BICRA: variants seen among roughly 807,000 people sequenced by gnomAD.
The protein encoded by BICRA is BRD4-interacting chromatin-remodeling complex-associated protein.
BICRA carries 31 observed loss-of-function variants against 96.9 expected under a neutral mutation model. The observed-to-expected ratio is 0.32, with a 90% CI of 0.24 to 0.43. The LOEUF is 0.43. BICRA is among the 20% of genes least tolerant of loss of function. BICRA has a pLI of 1.00. For missense variants in BICRA, 2,283 were observed against 2,190.3 expected (o/e 1.04, Z -0.84); for synonymous variants, 1,350 against 1,071.8 (o/e 1.26, Z -5.07).
Position 47,702,513 on chromosome 19 carries a change from C to T in BICRA, c.*98C>T, listed in dbSNP as rs1309838807. The T allele has an allele frequency of 1.0e-5, 14 of 1,340,892 alleles. No homozygotes were observed. Among genetic ancestry groups the T allele is most frequent in the Non-Finnish European group, 1.9e-6 (2 of 1,042,184 alleles). The allele number at this position is 1,340,892 out of a possible 1,614,324, so 83.1% of individuals were successfully genotyped here. A position where few individuals can be genotyped will look rare whatever the true frequency, so the allele number is the denominator to read the frequency against. ...TCCTGGGGACTCGAGCCGGGGATCCCCTGACGGTTTTTCTTGCCTAAGTTA... is the reference window on the plus strand; with the variant it reads ...TCCTGGGGACTCGAGCCGGGGATCCTCTGACGGTTTTTCTTGCCTAAGTTA... On this transcript the variant is annotated 3_prime_UTR_variant, in exon 15 of 15. Coordinates refer to ENST00000594866, the MANE Select transcript of BICRA (RefSeq NM_001394372.1).
At chr19:47,670,028 A>G (rs896668519) in intron 1 of BICRA, among the ~76,000 whole-genome samples, 7 of 150,784 alleles carry the variant, frequency 4.6e-5, no homozygotes, top group African/African-American at 1.7e-4. Context: ...CCTAGCTCAC[A>G]GCATCCTTGA....
chr19:47,683,518 A>G (rs1279414944), intron 7 of BICRA, among the ~76,000 whole-genome samples: 1 of 151,998 alleles, frequency 6.6e-6, no homozygotes, highest in African/African-American at 2.4e-5. Flanking sequence ...TAGGAAAATT[A>G]GCCTTTTGTC....
chr19:47,615,845 GCCT>G (rs1399667349), intron 1 of BICRA: 2 of 152,228 alleles, frequency 1.3e-5, no homozygotes, highest in African/African-American at 4.8e-5. Context: ...GGCCCATGAT[GCCT>G]CCCTCGTAGG....
At chr19:47,697,239 C>T (rs1973360376) in intron 11 of BICRA, among the ~76,000 whole-genome samples, 1 of 151,996 alleles carries the variant, frequency 6.6e-6, no homozygotes, top group Non-Finnish European at 1.5e-5. Context: ...CTGCCTCGGC[C>T]TCCCAAGGTG....
chr19:47,664,710 G>A (rs996699562), intron 1 of BICRA, among the ~76,000 whole-genome samples: 46 of 152,198 alleles, frequency 3.0e-4, no homozygotes, highest in African/African-American at 1.1e-3. Flanking sequence ...GGCCCGGGTC[G>A]CAGTGGTCCG....
Position 47,699,320 on chromosome 19 carries a change from G to A in BICRA, c.3510G>A (p.Ala1170=). The A allele has an allele frequency of 5.8e-6, 9 of 1,562,520 alleles. No individual in the cohort carries two copies. Among genetic ancestry groups the A allele is most frequent in the Non-Finnish European group, 6.9e-6 (8 of 1,152,616 alleles). Residue 1170 remains alanine, a synonymous_variant, in exon 14 of 15, where the codon GCG becomes GCA. Coordinates refer to ENST00000594866, the MANE Select transcript of BICRA (RefSeq NM_001394372.1). This position sits in a 1 kb window ranked among gnomAD's most constrained non-coding sequence, Gnocchi z 5.0. ...LEESRRVSPS[A]EMVMIDRMFI... ...CACCCCAGAGGGTGAGCCCCTCAGCGGAGATGGTAATGATCGACCGAATGT... is the reference window on the plus strand; with the variant it reads ...CACCCCAGAGGGTGAGCCCCTCAGCAGAGATGGTAATGATCGACCGAATGT...
intron 7 of BICRA, among the ~76,000 whole-genome samples, chr19:47,685,231 C>T (rs960642144): frequency 1.3e-5 from 2 of 152,062 alleles, no homozygotes; most frequent in Non-Finnish European, 2.9e-5. Flanking sequence ...AGTAATCCTC[C>T]CACCTTGGCT....
chr19:47,695,936 A>T (rs1165723472), intron 10 of BICRA, among the ~76,000 whole-genome samples: 1 of 151,764 alleles, frequency 6.6e-6, no homozygotes, highest in East Asian at 1.9e-4. Context: ...CGTGGGGGAG[A>T]CAGAAGACAA....
chr19:47,695,342 T>TCACC, intron 9 of BICRA, 23 bp from the exon 10 acceptor site: 3 of 630,198 alleles, frequency 4.8e-6, no homozygotes, highest in Non-Finnish European at 8.5e-6. Flanking sequence ...AGGCCCTGTC[T>TCACC]CCCCCACCCC....
rs1360756564 is a variant in BICRA, at chr19:47,675,103, C to G, written c.85-748C>G. Among the ~76,000 whole-genome samples, 1 of 152,142 alleles carries G rather than the reference C, an allele frequency of 6.6e-6. No individual in the cohort carries two copies. The highest frequency in any genetic ancestry group is 2.1e-4 in the South Asian group (1 of 4,814). On this transcript the variant is annotated intron_variant, in intron 4 of 14. Coordinates refer to ENST00000594866, the MANE Select transcript of BICRA (RefSeq NM_001394372.1). The surrounding 1 kb of genome is among the most constrained non-coding windows in gnomAD (Gnocchi z 4.7). ...CATCAACTAGACTTGCTGGTGGACT[C>G]GATGTTGAGGGGGAGAGAGTGTCCA... is the stretch of plus-strand genomic sequence containing the variant.
At chr19:47,648,081 C>T (rs911686451) in intron 1 of BICRA, among the ~76,000 whole-genome samples, 2 of 151,896 alleles carry the variant, frequency 1.3e-5, no homozygotes, top group Admixed American at 6.6e-5. Flanking sequence ...GCCTTCTCTC[C>T]GTCTCCCTGT....
At chr19:47,682,219 C>G (rs564300585) in intron 7 of BICRA, 67 bp downstream of exon 7, 10 of 669,026 alleles carry the variant, frequency 1.5e-5, no homozygotes, top group South Asian at 1.5e-4. Flanking sequence ...CCCGCTCTCC[C>G]GCTCCTCGCT....
intron 7 of BICRA, among the ~76,000 whole-genome samples, chr19:47,691,185 A>G (rs1236010129): frequency 6.6e-6 from 1 of 152,210 alleles, no homozygotes; most frequent in African/African-American, 2.4e-5. Context: ...GGAGGCCTCA[A>G]TTGCTTCCTC....
rs1402566668 is a variant in BICRA, at chr19:47,701,591, G to A, written c.3859G>A (p.Gly1287Ser). Residue 1287 changes from glycine to serine, a missense_variant, in exon 15 of 15, where the codon GGC becomes AGC. Physicochemically the swap from Gly to Ser is moderately conservative, Grantham distance 56. Transcript: ENST00000594866. This position sits in a 1 kb window ranked among gnomAD's most constrained non-coding sequence, Gnocchi z 5.4. ...AASSLDADED[G>S]PMPSRNRPPI... ...CTCCTCCTTGGACGCCGACGAGGAC[G>A]GCCCCATGCCCTCCCGCAACCGCCC... 1 of 1,557,414 alleles carries A rather than the reference G, an allele frequency of 6.4e-7. No individual in the cohort carries two copies. The highest frequency in any genetic ancestry group is 8.7e-7 in the Non-Finnish European group (1 of 1,151,514).
At chr19:47,686,625 C>T (rs1042367863) in intron 7 of BICRA, among the ~76,000 whole-genome samples, 1 of 152,166 alleles carries the variant, frequency 6.6e-6, no homozygotes, top group Admixed American at 6.6e-5. Context: ...CTCAGGTGAT[C>T]TGCCCACCTT....
At position 47,699,307 on chromosome 19, in the gene BICRA, T is replaced by G. The variant is rs1366660012; in HGVS notation, c.3497T>G (p.Val1166Gly). 15 of 1,548,688 alleles carry G rather than the reference T, an allele frequency of 9.7e-6. No individual in the cohort carries two copies. Among genetic ancestry groups the G allele is most frequent in the Non-Finnish European group, 1.2e-5 (14 of 1,141,564 alleles). ...TCGTCTTTTCCCCCACCCCAGAGGG[T>G]GAGCCCCTCAGCGGAGATGGTAATG... ...RLLLLEESRR[V>G]SPSAEMVMID... Residue 1166 changes from valine to glycine, a missense_variant, in exon 14 of 15, where the codon GTG becomes GGG. Transcript: ENST00000594866. The surrounding 1 kb of genome is among the most constrained non-coding windows in gnomAD (Gnocchi z 5.0).
intron 1 of BICRA, among the ~76,000 whole-genome samples, chr19:47,669,819 G>C (rs1335929712): frequency 1.3e-5 from 2 of 150,776 alleles, no homozygotes; most frequent in Non-Finnish European, 3.0e-5. Context: ...AGCACGCCCG[G>C]CTAATTTTTT....
chr19:47,621,826 C>T (rs1472891271), intron 1 of BICRA, among the ~76,000 whole-genome samples: 3 of 135,820 alleles, frequency 2.2e-5, no homozygotes, highest in Admixed American at 2.2e-4. Context: ...GAGCCTTGCT[C>T]TGTCGCCCAG....
intron 7 of BICRA, among the ~76,000 whole-genome samples, chr19:47,685,385 G>T (rs1394550415): frequency 6.6e-6 from 1 of 152,164 alleles, no homozygotes; most frequent in Non-Finnish European, 1.5e-5. Context: ...ACAAGGTAGG[G>T]CCCTCCGCAG....
Sources: gnomAD v4.1 joint callset for allele counts (sites outside exome capture counted in the v4.1 genomes callset) on GRCh38, gnomAD v4.1.1 for gene constraint, Gnocchi (gnomAD v3.1) non-coding constraint, MANE v1.5 for transcripts, NCBI Gene and HGNC (gene_info 2026-07-23, HGNC 2026-07-21) for gene names.